MICAL2: variants seen among roughly 807,000 people sequenced by gnomAD.
MICAL2 encodes the protein [F-actin]-monooxygenase MICAL2.
In MICAL2, 77 loss-of-function variants were observed where a neutral mutation model predicts 127.3. The observed-to-expected ratio is 0.60, with a 90% confidence interval of 0.50 to 0.73. The LOEUF is 0.73. Among genes scored for constraint, MICAL2 ranks in the 30% least tolerant of loss-of-function variants. The pLI is 0.00. For missense variants in MICAL2, 1,351 were observed against 1,434.4 expected, an observed-to-expected ratio of 0.94 and a Z score of 0.94; for synonymous variants, 570 against 551.1, an observed-to-expected ratio of 1.03 and a Z score of -0.48.
intron 32 of MICAL2, among the ~76,000 whole-genome samples, chr11:12,337,301 C>A (rs1057291509): frequency 1.3e-5 from 2 of 152,104 alleles, no homozygotes; most frequent in Non-Finnish European, 2.9e-5. Flanking sequence ...GTGGTGATAT[C>A]CCCTTTGTCA....
chr11:12,125,641 T>C (rs906763680), intron 1 of MICAL2, among the ~76,000 whole-genome samples: 7 of 152,178 alleles, frequency 4.6e-5, no homozygotes, highest in African/African-American at 1.7e-4. Context: ...TGCAGAGAAG[T>C]GTGTCTAGTC....
intron 22 of MICAL2, among the ~76,000 whole-genome samples, chr11:12,252,244 A>T (rs1861644574): frequency 6.6e-6 from 1 of 152,234 alleles, no homozygotes; most frequent in Non-Finnish European, 1.5e-5. Flanking sequence ...TCTTGGAAGC[A>T]GGGGCTAAAT....
intron 6 of MICAL2, among the ~76,000 whole-genome samples, chr11:12,210,824 G>A (rs556698044): frequency 6.8e-4 from 103 of 152,318 alleles, no homozygotes; most frequent in Non-Finnish European, 1.2e-3. Context: ...CACTGCAGAC[G>A]TTTGGGGCCA....
intron 8 of MICAL2, among the ~76,000 whole-genome samples, chr11:12,219,555 A>G (rs893244001): frequency 4.3e-5 from 6 of 138,150 alleles, no homozygotes; most frequent in Non-Finnish European, 7.8e-5. Flanking sequence ...AAAAAAAAAA[A>G]GCTACGCTGT....
intron 3 of MICAL2, among the ~76,000 whole-genome samples, chr11:12,187,542 A>G (rs547702232): frequency 6.6e-6 from 1 of 152,256 alleles, no homozygotes; most frequent in African/African-American, 2.4e-5. Context: ...GTCACTTGTT[A>G]CTGAGTGGTC....
At chr11:12,139,227 C>T (rs1756226967) in intron 2 of MICAL2, among the ~76,000 whole-genome samples, 4 of 152,306 alleles carry the variant, frequency 2.6e-5, no homozygotes, top group South Asian at 4.1e-4. Flanking sequence ...CCTCCTCTGC[C>T]CTGCTCCTGT....
intron 2 of MICAL2, among the ~76,000 whole-genome samples, chr11:12,155,296 C>A (rs754130917): frequency 1.3e-5 from 2 of 152,108 alleles, no homozygotes; most frequent in Admixed American, 6.6e-5. Context: ...TGCATACTCA[C>A]CACACATACA....
intron 2 of MICAL2, among the ~76,000 whole-genome samples, chr11:12,281,531 C>T (rs889781984): frequency 6.6e-6 from 1 of 152,176 alleles, no homozygotes; most frequent in Non-Finnish European, 1.5e-5. Context: ...GCATCATCTC[C>T]CTGGGACCAC....
Position 12,256,886 on chromosome 11 carries a change from C to T in MICAL2, c.3057C>T (p.Gly1019=), listed in dbSNP as rs562515662. ...VYVMERLSAE[G]HFFHRECFRC... ...TGATGGAACGGCTGAGCGCCGAGGG[C>T]CACTTCTTCCACCGGGAGTGTTTCC... Residue 1019 remains glycine, a synonymous_variant, in exon 24 of 28, where the codon GGC becomes GGT. Transcript: ENST00000683283. The T allele has an allele frequency of 6.8e-6, 11 of 1,614,198 alleles. No homozygotes were observed. The African/African-American group carries it at 1.2e-4, about 18-fold the overall frequency.
At chr11:12,215,316 T>C (rs983556734) in intron 7 of MICAL2, among the ~76,000 whole-genome samples, 17 of 152,202 alleles carry the variant, frequency 1.1e-4, no homozygotes, top group Admixed American at 1.1e-3. Context: ...CATTGATGCC[T>C]GTTTCCTATT....
At chr11:12,328,192 T>G (rs114171646) in intron 32 of MICAL2, among the ~76,000 whole-genome samples, 1 of 152,210 alleles carries the variant, frequency 6.6e-6, no homozygotes, top group African/African-American at 2.4e-5. Flanking sequence ...ATTAAAACAC[T>G]GGGTCTGTAA....
intron 21 of MICAL2, among the ~76,000 whole-genome samples, chr11:12,247,248 G>C (rs565018327): frequency 6.6e-6 from 1 of 152,302 alleles, no homozygotes; most frequent in South Asian, 2.1e-4. Context: ...CTTTGGGGTG[G>C]CCAACCCCAG....
chr11:12,247,832 G>A (rs1272500120), intron 21 of MICAL2, among the ~76,000 whole-genome samples: 1 of 152,210 alleles, frequency 6.6e-6, no homozygotes, highest in Non-Finnish European at 1.5e-5. Context: ...TTCTCTCCTA[G>A]AGTCTGGGGC....
At chr11:12,143,232 G>A (rs1479751201) in intron 2 of MICAL2, among the ~76,000 whole-genome samples, 1 of 152,218 alleles carries the variant, frequency 6.6e-6, no homozygotes, top group Non-Finnish European at 1.5e-5. Context: ...GGGTGGAGGT[G>A]TGAAAGGGCC....
chr11:12,238,155 A>T (rs6485600), intron 16 of MICAL2, among the ~76,000 whole-genome samples: 1 of 152,060 alleles, frequency 6.6e-6, no homozygotes, highest in Non-Finnish European at 1.5e-5. Flanking sequence ...AAATGAACAC[A>T]TCTTTGTTGT....
intron 29 of MICAL2, among the ~76,000 whole-genome samples, chr11:12,301,899 A>C (rs1275034288): frequency 6.6e-6 from 1 of 152,184 alleles, no homozygotes; most frequent in Non-Finnish European, 1.5e-5. Flanking sequence ...GAGTTGTAGG[A>C]GATACACATA....
intron 2 of MICAL2, among the ~76,000 whole-genome samples, chr11:12,139,166 G>A (rs1852107893): frequency 6.6e-6 from 1 of 152,168 alleles, no homozygotes; most frequent in African/African-American, 2.4e-5. Context: ...ATGGAGAATG[G>A]AAACGCAGGC....
chr11:12,169,601 G>T (rs1855983577), intron 3 of MICAL2, among the ~76,000 whole-genome samples: 1 of 152,148 alleles, frequency 6.6e-6, no homozygotes, highest in South Asian at 2.1e-4. Context: ...GGCCAGGCTG[G>T]TCTCAAACTC....
In MICAL2 at chr11:12,350,723, A is replaced by T. The variant is rs1006900496; in HGVS notation, c.5615+786A>T. Among the ~76,000 whole-genome samples the T allele has an allele frequency of 2.6e-5, 4 of 152,228 alleles. No individual in the cohort carries two copies. The East Asian group carries it at 7.7e-4, about 29-fold the overall frequency. On this transcript the variant is annotated intron_variant, in intron 33 of 34. Transcript: ENST00000646065. Reference sequence around the variant, plus strand: ...TTTATTACCGATAATGGCTTATATGATAATGGCTTGTACCTGGCTAAGTAT... The same window carrying T: ...TTTATTACCGATAATGGCTTATATGTTAATGGCTTGTACCTGGCTAAGTAT...
Sources: gnomAD v4.1 joint callset for allele counts (sites outside exome capture counted in the v4.1 genomes callset) on GRCh38, gnomAD v4.1.1 for gene constraint, MANE v1.5 for transcripts, NCBI Gene and HGNC (gene_info 2026-07-23, HGNC 2026-07-21) for gene names.